The following CPVL variants were observed in gnomAD, a reference collection of about 807,000 sequenced individuals.
The protein encoded by CPVL is carboxypeptidase vitellogenic like.
In CPVL, 51 loss-of-function variants were observed where a neutral mutation model predicts 63.7. That is an observed-to-expected ratio of 0.80 (90% confidence interval 0.64 to 1.01). The LOEUF (loss-of-function observed/expected upper bound fraction) is 1.01, where lower values mean the gene tolerates loss of function less well. Among genes scored for constraint, CPVL ranks in the 50% least tolerant of loss-of-function variants. The pLI, the probability that CPVL is intolerant of heterozygous loss-of-function variation, is 0.00. For missense variants in CPVL, 530 were observed against 573.1 expected, an observed-to-expected ratio of 0.92 and a Z score of 0.77; for synonymous variants, 195 against 206.0, an observed-to-expected ratio of 0.95 and a Z score of 0.46.
At chr7:29,036,259 C>T (rs913757608) in intron 11 of CPVL, among the ~76,000 whole-genome samples, 18 of 152,116 alleles carry the variant, frequency 1.2e-4, no homozygotes, top group African/African-American at 4.1e-4. Flanking sequence ...CATGAGGATG[C>T]GACGAACTAT....
At chr7:29,062,493 A>C (rs942525398) in intron 11 of CPVL, among the ~76,000 whole-genome samples, 2 of 152,236 alleles carry the variant, frequency 1.3e-5, no homozygotes, top group Non-Finnish European at 2.9e-5. Flanking sequence ...TTGCAGGTTT[A>C]TAATGGGTTT....
At chr7:29,000,007 T>G (rs1784457424) in intron 12 of CPVL, among the ~76,000 whole-genome samples, 1 of 152,124 alleles carries the variant, frequency 6.6e-6, no homozygotes, top group Non-Finnish European at 1.5e-5. Context: ...TATTTAAATG[T>G]GACAAGATTA....
intron 5 of CPVL, among the ~76,000 whole-genome samples, chr7:29,165,676 C>T (rs1795814866): frequency 6.6e-6 from 1 of 152,176 alleles, no homozygotes; most frequent in Admixed American, 6.5e-5. Context: ...GAGGTGTTAA[C>T]TGTAGGCTTT....
chr7:29,052,898 G>A (rs1364656559), intron 11 of CPVL, among the ~76,000 whole-genome samples: 1 of 152,104 alleles, frequency 6.6e-6, no homozygotes, highest in Non-Finnish European at 1.5e-5. Context: ...GACAGAGCAA[G>A]TCTCCATCTC....
intron 5 of CPVL, among the ~76,000 whole-genome samples, chr7:29,170,934 A>G (rs1430283670): frequency 2.0e-5 from 3 of 152,184 alleles, no homozygotes; most frequent in Admixed American, 2.0e-4. Context: ...CAAGAAAAAC[A>G]TGGGAAAGAC....
intron 1 of CPVL, among the ~76,000 whole-genome samples, chr7:29,139,370 A>G (rs568329851): frequency 1.1e-4 from 16 of 152,286 alleles, no homozygotes; most frequent in South Asian, 4.1e-4. Flanking sequence ...AAATGCAGCC[A>G]AGGAGATCAG....
chr7:29,111,476 A>T (rs323185), intron 3 of CPVL, among the ~76,000 whole-genome samples: 18 of 152,106 alleles, frequency 1.2e-4, no homozygotes, highest in East Asian at 3.9e-4. Context: ...TTGCATTGCA[A>T]GCTCTAGGCA....
At chr7:29,160,969 T>A (rs1279007806) in intron 5 of CPVL, among the ~76,000 whole-genome samples, 1 of 152,252 alleles carries the variant, frequency 6.6e-6, no homozygotes, top group Non-Finnish European at 1.5e-5. Context: ...TGTCATTTTC[T>A]TGAGTCTTTC....
chr7:29,001,030 G>C (rs1784577222), intron 12 of CPVL: 1 of 22,124 alleles, frequency 4.5e-5, no homozygotes, highest in Non-Finnish European at 1.3e-4. Context: ...GGTACAAGGA[G>C]GCAAATTAGG....
intron 1 of CPVL, 107 bp downstream of exon 1, chr7:29,146,322 T>G (rs1792623813): frequency 4.4e-6 from 2 of 451,448 alleles, no homozygotes; most frequent in African/African-American, 2.0e-5. Context: ...CTGTTGGTGC[T>G]GAGGGCTTTT....
intron 5 of CPVL, among the ~76,000 whole-genome samples, chr7:29,177,104 C>T (rs1328164815): frequency 6.6e-6 from 1 of 152,078 alleles, no homozygotes; most frequent in Non-Finnish European, 1.5e-5. Context: ...GTTTAGTGAA[C>T]ATTGTCTTCT....
At chr7:29,036,923 G>T (rs1272874694) in intron 11 of CPVL, among the ~76,000 whole-genome samples, 1 of 152,138 alleles carries the variant, frequency 6.6e-6, no homozygotes, top group African/African-American at 2.4e-5. Flanking sequence ...AGTGTACCAT[G>T]ATCCCCCAAC....
intron 12 of CPVL, among the ~76,000 whole-genome samples, chr7:29,013,929 T>C (rs1786119076): frequency 6.6e-6 from 1 of 152,192 alleles, no homozygotes; most frequent in African/African-American, 2.4e-5. Flanking sequence ...TGATAGAAAA[T>C]ATGCTCCCAA....
At chr7:29,133,201 A>G in intron 1 of CPVL, among the ~76,000 whole-genome samples, 1 of 152,092 alleles carries the variant, frequency 6.6e-6, no homozygotes, top group East Asian at 1.9e-4. Context: ...GGCAAAAAAA[A>G]AAAAAACAAA....
intron 1 of CPVL, among the ~76,000 whole-genome samples, chr7:29,134,265 C>G (rs1444125126): frequency 4.6e-5 from 7 of 152,160 alleles, no homozygotes; most frequent in Non-Finnish European, 8.8e-5. Context: ...AGAGAAAGAA[C>G]CTACACATAA....
At chr7:29,136,449 T>C (rs1019400555) in intron 1 of CPVL, among the ~76,000 whole-genome samples, 16 of 152,202 alleles carry the variant, frequency 1.1e-4, no homozygotes, top group Middle Eastern at 3.2e-3. Context: ...TTGGACAGGT[T>C]GGAGGGTAGG....
intron 11 of CPVL, among the ~76,000 whole-genome samples, chr7:29,056,271 A>C (rs1467101665): frequency 6.6e-6 from 1 of 152,196 alleles, no homozygotes; most frequent in Non-Finnish European, 1.5e-5. Flanking sequence ...CAAATGCATA[A>C]CATCTTGTAT....
chr7:29,107,600 T>G (rs917691237), intron 3 of CPVL, among the ~76,000 whole-genome samples: 5 of 152,226 alleles, frequency 3.3e-5, no homozygotes, highest in African/African-American at 1.2e-4. Flanking sequence ...TCCAGCCCAT[T>G]GACTGGCTGC....
At chr7:29,079,904 T>G (rs1185720932) in intron 7 of CPVL, among the ~76,000 whole-genome samples, 2 of 152,176 alleles carry the variant, frequency 1.3e-5, no homozygotes, top group African/African-American at 2.4e-5. Flanking sequence ...ATCAGATCCT[T>G]TCTATGGAAC....
Sources: allele counts gnomAD v4.1 joint callset (sites outside exome capture counted in the v4.1 genomes callset), GRCh38; gene constraint gnomAD v4.1.1; transcripts MANE v1.5; gene names NCBI Gene and HGNC (gene_info 2026-07-23, HGNC 2026-07-21).